Variants in SLC45A4 observed in about 807,000 individuals in gnomAD.
SLC45A4 encodes polyamine-transporter SLC45A4.
SLC45A4 carries 32 observed loss-of-function variants against 63.7 expected under a neutral mutation model. The observed-to-expected ratio is 0.50, with a 90% CI of 0.38 to 0.67. The LOEUF is 0.67. Ranked by LOEUF, SLC45A4 falls within the 30% of genes least tolerant of loss-of-function variation. SLC45A4 has a pLI of 0.00. For missense variants in SLC45A4, 1,027 were observed against 1,157.7 expected (o/e 0.89, Z 1.64); for synonymous variants, 535 against 510.0 (o/e 1.05, Z -0.66).
At chr8:141,255,444 G>A (rs971660225) in intron 1 of SLC45A4, among the ~76,000 whole-genome samples, 4 of 152,244 alleles carry the variant, frequency 2.6e-5, no homozygotes, top group Non-Finnish European at 5.9e-5. Flanking sequence ...AGCTGGGCAC[G>A]GTGGCTTAAG....
chr8:141,272,703 C>T (rs1288577354), intron 1 of SLC45A4, among the ~76,000 whole-genome samples: 2 of 152,208 alleles, frequency 1.3e-5, no homozygotes, highest in East Asian at 1.9e-4. Context: ...CCCGCTGCCC[C>T]TCAGTGGTGC....
At chr8:141,266,843 A>G (rs1189493146) in intron 1 of SLC45A4, among the ~76,000 whole-genome samples, 1 of 152,200 alleles carries the variant, frequency 6.6e-6, no homozygotes, top group Admixed American at 6.5e-5. Context: ...ATCTAACAAG[A>G]GGGCCCAGAT....
chr8:141,220,927 G>A (rs375510192), intron 3 of SLC45A4, among the ~76,000 whole-genome samples: 43 of 152,372 alleles, frequency 2.8e-4, no homozygotes, highest in East Asian at 2.3e-3. Context: ...CGCAGTCAGA[G>A]GCATCGCCTG....
intron 2 of SLC45A4, among the ~76,000 whole-genome samples, chr8:141,247,329 A>G (rs1305083420): frequency 9.6e-6 from 1 of 104,118 alleles, no homozygotes. Context: ...ATAACATGAT[A>G]ACAATGAAAT....
chr8:141,284,592 G>A (rs987501124), intron 1 of SLC45A4, among the ~76,000 whole-genome samples: 1 of 152,194 alleles, frequency 6.6e-6, no homozygotes, highest in African/African-American at 2.4e-5. Context: ...TGGAATACAG[G>A]TCAAAACCTC....
chr8:141,301,499 C>A (rs1168180295), intron 1 of SLC45A4, among the ~76,000 whole-genome samples: 3 of 151,924 alleles, frequency 2.0e-5, no homozygotes, highest in African/African-American at 7.3e-5. Context: ...TCTCAGCACT[C>A]TGGGAGCCTG....
intron 1 of SLC45A4, among the ~76,000 whole-genome samples, chr8:141,262,062 A>G (rs1258934421): frequency 1.3e-5 from 2 of 152,182 alleles, no homozygotes; most frequent in Non-Finnish European, 2.9e-5. Context: ...AAACAATGCC[A>G]CATATCTACA....
In SLC45A4 at chr8:141,211,686, A is replaced by G; in HGVS notation, c.2313T>C (p.Gly771=). ...GTGACGAGATCTGACAGACGTCAAT[A>G]CCTGCAGGCGTCTACAGAGAGGAAA... ...PVETESVTPA[G]IDVCQISSHW... Residue 771 remains glycine (G), a synonymous_variant, in exon 9 of 9, where the codon GGT becomes GGC. Coordinates refer to ENST00000517878, the MANE Select transcript of SLC45A4 (RefSeq NM_001286646.2). The G allele has an allele frequency of 6.3e-7, 1 of 1,593,876 alleles. No individual in the cohort carries two copies. The highest frequency in any genetic ancestry group is 8.5e-7 in the Non-Finnish European group (1 of 1,169,834).
intron 4 of SLC45A4, 82 bp from the exon 5 acceptor site, chr8:141,219,111 A>C (rs2154614043): frequency 1.3e-6 from 2 of 1,493,330 alleles, no homozygotes; most frequent in Non-Finnish European, 1.8e-6. Context: ...TCTCCCTCTA[A>C]CAGGGGGCCG....
At chr8:141,237,948 A>T (rs1827713166) in intron 2 of SLC45A4, among the ~76,000 whole-genome samples, 1 of 152,262 alleles carries the variant, frequency 6.6e-6, no homozygotes, top group Non-Finnish European at 1.5e-5. Flanking sequence ...TTGTTTAAAA[A>T]ATACAATGAT....
chr8:141,305,545 A>C (rs955632579), intron 1 of SLC45A4, among the ~76,000 whole-genome samples: 2 of 152,220 alleles, frequency 1.3e-5, no homozygotes, highest in East Asian at 3.9e-4. Context: ...TTCTGCCTCC[A>C]CAAATTACAG....
At chr8:141,266,557 C>T (rs1829276361) in intron 1 of SLC45A4, among the ~76,000 whole-genome samples, 1 of 152,222 alleles carries the variant, frequency 6.6e-6, no homozygotes. Context: ...AGGCTATTTC[C>T]TGAAAAGCAT....
At chr8:141,285,168 C>T (rs1298042510) in intron 1 of SLC45A4, among the ~76,000 whole-genome samples, 1 of 152,240 alleles carries the variant, frequency 6.6e-6, no homozygotes, top group East Asian at 1.9e-4. Context: ...AACGCCAGCT[C>T]CTGCCTTCAG....
chr8:141,269,274 T>C (rs1829414177), intron 1 of SLC45A4, among the ~76,000 whole-genome samples: 1 of 152,232 alleles, frequency 6.6e-6, no homozygotes, highest in South Asian at 2.1e-4. Flanking sequence ...CCTTAAGTCT[T>C]CTGATAACCG....
intron 4 of SLC45A4, among the ~76,000 whole-genome samples, 166 bp downstream of exon 4, chr8:141,219,484 G>C (rs1242556651): frequency 1.3e-5 from 2 of 151,980 alleles, no homozygotes; most frequent in African/African-American, 4.8e-5. Context: ...TGGTGGTCAG[G>C]AGGGGCTGCC....
chr8:141,252,650 T>A (rs1317056843), intron 2 of SLC45A4: 1 of 137,854 alleles, frequency 7.3e-6, no homozygotes, highest in Non-Finnish European at 1.6e-5. Context: ...CCCACCTGCG[T>A]CTGTGAATTT....
intron 2 of SLC45A4, among the ~76,000 whole-genome samples, chr8:141,239,784 A>T (rs1178552672): frequency 6.6e-6 from 1 of 152,194 alleles, no homozygotes; most frequent in African/African-American, 2.4e-5. Context: ...GGCTCATGAG[A>T]CTGGGCTCTG....
rs934414117 is a variant in SLC45A4, at chr8:141,269,489, T to A, written c.-400-14860A>T. On this transcript the variant is annotated intron_variant, in intron 1 of 8. Coordinates refer to ENST00000517878, the MANE Select transcript of SLC45A4 (RefSeq NM_001286646.2). Reference sequence around the variant, plus strand: ...CTGTGTGTGTGTGTGTGTGTGTGTGTGATGTCTGCCTGTGTCGCGTGTGTG... The same window carrying A: ...CTGTGTGTGTGTGTGTGTGTGTGTGAGATGTCTGCCTGTGTCGCGTGTGTG... 2.1e-5 allele frequency among the ~76,000 whole-genome samples: 3 copies of A among 145,374 alleles called. No individual in the cohort carries two copies. The East Asian group carries it at 6.2e-4, about 30-fold the overall frequency.
At chr8:141,242,531 C>A (rs1018070667) in intron 2 of SLC45A4, among the ~76,000 whole-genome samples, 1 of 152,118 alleles carries the variant, frequency 6.6e-6, no homozygotes, top group Non-Finnish European at 1.5e-5. Flanking sequence ...CAAGAACGGG[C>A]GAGACAGTGC....
Sources: allele counts gnomAD v4.1 joint callset (sites outside exome capture counted in the v4.1 genomes callset), GRCh38; gene constraint gnomAD v4.1.1; transcripts MANE v1.5; gene names NCBI Gene and HGNC (gene_info 2026-07-23, HGNC 2026-07-21).